INPP4B: variants seen among roughly 807,000 people sequenced by gnomAD.
The protein encoded by INPP4B is inositol polyphosphate-4-phosphatase type II B, also known as inositol polyphosphate 4-phosphatase type II.
In INPP4B, 55 loss-of-function variants were observed where a neutral mutation model predicts 122.5. The observed-to-expected ratio is 0.45, with a 90% CI of 0.36 to 0.56. The LOEUF is 0.56. INPP4B is among the 20% of genes least tolerant of loss of function. The probability of loss-of-function intolerance (pLI) is 0.00; values close to 1 mark genes in which losing one functional copy is unlikely to be tolerated. For missense variants in INPP4B, 1,000 were observed against 1,097.7 expected, an observed-to-expected ratio of 0.91 and a Z score of 1.26; for synonymous variants, 403 against 388.7, an observed-to-expected ratio of 1.04 and a Z score of -0.43.
At chr4:142,098,737 C>T (rs939459677) in intron 23 of INPP4B, among the ~76,000 whole-genome samples, 11 of 152,078 alleles carry the variant, frequency 7.2e-5, no homozygotes, top group African/African-American at 2.7e-4. Context: ...GTAGGAAGAA[C>T]AGCTTTTTTA....
rs1351879900 is a variant in INPP4B at position 142,086,230 on chromosome 4, C to A, written c.2401G>T (p.Asp801Tyr). ...AGATTTTCTAGCAATGCTTTTAAAT[C>A]ATTTTGTTCCTGAAAATGTGAAATA... ...DYISHFQEQN[D>Y]LKALLENLLQ... The change falls in exon 24 of 26, where the codon GAT (aspartate) becomes TAT (tyrosine). Residue 801 changes from aspartate (D) to tyrosine (Y), a missense_variant. By Grantham distance (160) the Asp-to-Tyr change is radical. Transcript: ENST00000262992. 1 of 1,572,962 alleles carries A rather than the reference C, an allele frequency of 6.4e-7. No homozygotes were observed. The highest frequency in any genetic ancestry group is 8.7e-7 in the Non-Finnish European group (1 of 1,142,912).
chr4:142,329,930 G>A (rs776343096), intron 7 of INPP4B, among the ~76,000 whole-genome samples: 28 of 147,902 alleles, frequency 1.9e-4, no homozygotes, highest in Admixed American at 1.3e-3. Flanking sequence ...GAAGTAAAAA[G>A]CATTCAGAAA....
At position 142,534,118 on chromosome 4, in the gene INPP4B, G is replaced by A. The variant is rs1424010801; in HGVS notation, c.-190-71392C>T. On this transcript the variant is annotated intron_variant, in intron 2 of 25. Coordinates refer to ENST00000262992, the MANE Select transcript of INPP4B (RefSeq NM_001101669.3). ...CCCATTGTGGATATGTATCTTGATT[G>A]ACAATTAATGCCTTTAGTGTTTTAT... is the stretch of plus-strand genomic sequence containing the variant. Among the ~76,000 whole-genome samples the A allele has an allele frequency of 4.6e-5, 7 of 152,220 alleles. 1 individual carries two copies. In the South Asian group the frequency reaches 1.0e-3, roughly 23 times the overall value.
intron 3 of INPP4B, among the ~76,000 whole-genome samples, chr4:142,450,022 G>C (rs1408620606): frequency 6.6e-6 from 1 of 152,192 alleles, no homozygotes; most frequent in Non-Finnish European, 1.5e-5. Flanking sequence ...CCTAGTGCTG[G>C]CCACTCACAT....
At chr4:142,661,205 G>A (rs931300705) in intron 2 of INPP4B, among the ~76,000 whole-genome samples, 1 of 152,238 alleles carries the variant, frequency 6.6e-6, no homozygotes, top group African/African-American at 2.4e-5. Flanking sequence ...TGTCTGTGAG[G>A]CTAAATTTTT....
chr4:142,360,456 A>G (rs1579842966), intron 7 of INPP4B, among the ~76,000 whole-genome samples: 1 of 152,144 alleles, frequency 6.6e-6, no homozygotes, highest in South Asian at 2.1e-4. Flanking sequence ...AAGCAAACAC[A>G]GTTGAGACCT....
chr4:142,547,036 C>T (rs182120226), intron 2 of INPP4B, among the ~76,000 whole-genome samples: 135 of 151,896 alleles, frequency 8.9e-4, no homozygotes, highest in African/African-American at 3.1e-3. Flanking sequence ...TTGTTTCATT[C>T]AAGATTCTTT....
At chr4:142,058,430 G>A (rs3775611) in intron 25 of INPP4B, among the ~76,000 whole-genome samples, 1 of 152,154 alleles carries the variant, frequency 6.6e-6, no homozygotes, top group East Asian at 1.9e-4. Context: ...TTATTTCTCA[G>A]ATTGTGCTTG....
intron 15 of INPP4B, among the ~76,000 whole-genome samples, chr4:142,190,803 T>C (rs779069630): frequency 6.6e-6 from 1 of 151,640 alleles, no homozygotes; most frequent in Non-Finnish European, 1.5e-5. Flanking sequence ...TGAAGGAAAA[T>C]ATTTATGCAA....
intron 11 of INPP4B, among the ~76,000 whole-genome samples, chr4:142,243,078 C>T (rs1370124517): frequency 6.6e-6 from 1 of 152,152 alleles, no homozygotes; most frequent in Non-Finnish European, 1.5e-5. Context: ...GGGGAAAATG[C>T]AAGACGGAAG....
chr4:142,832,312 T>A (rs1782249613), intron 1 of INPP4B, among the ~76,000 whole-genome samples: 1 of 152,054 alleles, frequency 6.6e-6, no homozygotes, highest in Non-Finnish European at 1.5e-5. Context: ...GAAAAAAAAA[T>A]TGGCTAGAAT....
At chr4:142,734,861 C>T (rs1323782442) in intron 1 of INPP4B, among the ~76,000 whole-genome samples, 3 of 152,092 alleles carry the variant, frequency 2.0e-5, no homozygotes, top group Non-Finnish European at 4.4e-5. Context: ...GTCAGACAGG[C>T]CTCAAACTCC....
At chr4:142,372,528 T>C (rs1340410444) in intron 7 of INPP4B, among the ~76,000 whole-genome samples, 1 of 152,044 alleles carries the variant, frequency 6.6e-6, no homozygotes, top group African/African-American at 2.4e-5. Context: ...GTACAATCAT[T>C]ATATGCATAG....
chr4:142,121,395 C>G (rs1205074081), intron 21 of INPP4B, among the ~76,000 whole-genome samples: 1 of 152,000 alleles, frequency 6.6e-6, no homozygotes, highest in African/African-American at 2.4e-5. Context: ...AAAGGCTCTC[C>G]CTTTTGTATG....
intron 25 of INPP4B, among the ~76,000 whole-genome samples, chr4:142,061,881 CACACATATATATATATATATATAT>C (rs1254065468): frequency 8.6e-4 from 7 of 8,108 alleles, no homozygotes; most frequent in African/African-American, 1.5e-3. Flanking sequence ...CACACACACA[CACACATATATATATATATATATAT>C]ATATATATAT....
chr4:142,391,659 T>C (rs1192834845), intron 7 of INPP4B, among the ~76,000 whole-genome samples: 1 of 152,180 alleles, frequency 6.6e-6, no homozygotes, highest in Non-Finnish European at 1.5e-5. Flanking sequence ...CTTATCTTTC[T>C]TGAGTCCTTA....
intron 2 of INPP4B, chr4:142,660,896 CCT>C (rs1755048141): frequency 6.6e-6 from 1 of 152,456 alleles, no homozygotes. Context: ...AACAGCGCCC[CCT>C]GTCAGCAGGA....
chr4:142,494,559 T>G (rs1050192298), intron 2 of INPP4B, among the ~76,000 whole-genome samples: 1 of 151,580 alleles, frequency 6.6e-6, no homozygotes, highest in African/African-American at 2.4e-5. Context: ...ATGTTTCTAT[T>G]TTACTCTCAG....
intron 1 of INPP4B, among the ~76,000 whole-genome samples, chr4:142,813,158 T>C (rs1363406159): frequency 6.6e-6 from 1 of 152,176 alleles, no homozygotes; most frequent in Non-Finnish European, 1.5e-5. Context: ...CTCATACATG[T>C]ACTGTTGATA....
Sources: gnomAD v4.1 joint callset for allele counts (sites outside exome capture counted in the v4.1 genomes callset) on GRCh38, gnomAD v4.1.1 for gene constraint, MANE v1.5 for transcripts, NCBI Gene and HGNC (gene_info 2026-07-23, HGNC 2026-07-21) for gene names.